Variants in HIPK3 observed in about 807,000 individuals in gnomAD.
HIPK3 encodes the protein homeodomain interacting protein kinase 3, also known as homeodomain-interacting protein kinase 3.
In HIPK3, 47 loss-of-function variants were observed where a neutral mutation model predicts 124.2. The observed-to-expected ratio is 0.38, with a 90% confidence interval of 0.30 to 0.48. The LOEUF (loss-of-function observed/expected upper bound fraction) is 0.48, where lower values mean the gene tolerates loss of function less well. Ranked by LOEUF, HIPK3 falls within the 20% of genes least tolerant of loss-of-function variation. HIPK3 has a pLI of 0.98. For synonymous variants in HIPK3, 482 were observed against 515.2 expected (o/e 0.94, Z 0.87); for missense variants, 1,286 against 1,454.3 (o/e 0.88, Z 1.88).
Position 33,286,534 on chromosome 11 carries a change from T to C in HIPK3, c.120T>C (p.Tyr40=). The change falls in exon 2 of 17, where the codon TAT becomes TAC. Residue 40 remains tyrosine, a synonymous_variant. Coordinates refer to ENST00000303296, the MANE Select transcript of HIPK3 (RefSeq NM_005734.5). ...PSSCVFQERN[Y]PRTYVNGRNF... ...GTTGTGTATTCCAGGAAAGAAACTA[T>C]CCACGGACCTATGTGAATGGTAGAA... is the stretch of plus-strand genomic sequence containing the variant. 2.5e-6 allele frequency: 4 copies of C among 1,614,032 alleles called. No homozygotes were observed. The highest frequency in any genetic ancestry group is 3.4e-6 in the Non-Finnish European group (4 of 1,180,002).
At chr11:33,266,725 CAAA>C (rs909884126) in intron 1 of HIPK3, among the ~76,000 whole-genome samples, 3 of 151,730 alleles carry the variant, frequency 2.0e-5, no homozygotes, top group Non-Finnish European at 4.4e-5. Context: ...AACAAACAAA[CAAA>C]AAACCAAAAA....
chr11:33,349,321 A>T (rs1279501342), intron 14 of HIPK3, 34 bp downstream of exon 14: 1 of 1,553,464 alleles, frequency 6.4e-7, no homozygotes, highest in Admixed American at 1.9e-5. Context: ...TGTAATAAAT[A>T]GTAAGTCTAC....
At position 33,356,138 on chromosome 11, in the gene HIPK3, G is replaced by A. The variant is rs1853811137; in HGVS notation, c.*2570G>A. On this transcript the variant is annotated 3_prime_UTR_variant, in exon 17 of 17. Transcript: ENST00000303296. ...GCCATGTTTACTACCCTGAAATGTT[G>A]TATTTTTTGTCTTTAATTTCCAAGA... 2 of 151,972 alleles carry A rather than the reference G, an allele frequency of 1.3e-5. 1 individual carries two copies. The highest frequency in any genetic ancestry group is 2.9e-5 in the Non-Finnish European group (2 of 67,836). 9.4% of individuals were successfully genotyped at this position (151,972 alleles called of 1,614,324 possible). A position where few individuals can be genotyped will look rare whatever the true frequency, so the allele number is the denominator to read the frequency against.
intron 1 of HIPK3, among the ~76,000 whole-genome samples, chr11:33,273,556 C>T (rs1313444876): frequency 1.5e-5 from 2 of 129,060 alleles, no homozygotes; most frequent in Non-Finnish European, 3.3e-5. Flanking sequence ...TTGGACAATA[C>T]TTTGCAAAAT....
intron 3 of HIPK3, among the ~76,000 whole-genome samples, chr11:33,335,325 A>G (rs1195809337): frequency 1.3e-5 from 2 of 152,210 alleles, no homozygotes; most frequent in Non-Finnish European, 2.9e-5. Flanking sequence ...AAGCAGTGTC[A>G]TATAAAGAAC....
chr11:33,347,210 C>A, intron 8 of HIPK3, 83 bp from the exon 9 acceptor site: 2 of 1,313,226 alleles, frequency 1.5e-6, no homozygotes, highest in Non-Finnish European at 1.0e-6. Flanking sequence ...AGAATCTAAG[C>A]AATTCTTGAC....
intron 2 of HIPK3, among the ~76,000 whole-genome samples, chr11:33,294,986 AGT>A (rs1565069495): frequency 2.6e-5 from 4 of 152,070 alleles, no homozygotes; most frequent in Non-Finnish European, 5.9e-5. Context: ...CTCAAAATGG[AGT>A]CACTCATGTC....
At chr11:33,319,391 G>T (rs1258864315) in intron 2 of HIPK3, among the ~76,000 whole-genome samples, 1 of 151,966 alleles carries the variant, frequency 6.6e-6, no homozygotes, top group Non-Finnish European at 1.5e-5. Context: ...AGCTACTTGG[G>T]AGGCTGAGGC....
intron 1 of HIPK3, among the ~76,000 whole-genome samples, chr11:33,270,454 G>A (rs182486607): frequency 7.2e-5 from 11 of 152,034 alleles, no homozygotes; most frequent in Admixed American, 3.3e-4. Context: ...GATTACAGGC[G>A]CCTGCCACCA....
intron 2 of HIPK3, among the ~76,000 whole-genome samples, chr11:33,296,065 CT>C (rs1250663938): frequency 7.2e-4 from 109 of 152,234 alleles, no homozygotes; most frequent in Non-Finnish European, 2.1e-4. Context: ...ACAAGAAGAG[CT>C]TTTTTTCCCC....
intron 1 of HIPK3, among the ~76,000 whole-genome samples, chr11:33,269,751 C>A (rs1331440328): frequency 1.1e-5 from 1 of 86,978 alleles, no homozygotes; most frequent in East Asian, 2.9e-4. Context: ...TACTAAGCTC[C>A]CCTGTATTTT....
chr11:33,287,156 C>G lies in HIPK3; in HGVS notation c.742C>G (p.Leu248Val), dbSNP rs1326922324. The stretch of plus-strand genomic sequence containing the variant: ...AATAGAAGTGAGCATATTAGCAAGG[C>G]TCAGTACTGAAAATGCTGATGAATA... ...GQIEVSILAR[L>V]STENADEYNF... The change falls in exon 2 of 17, where the codon CTC (leucine) becomes GTC (valine). Residue 248 changes from leucine to valine, a missense_variant. Around this residue, in one of 3 missense-constraint regions of HIPK3, gnomAD observed 251 missense variants for 349.1 expected, o/e 0.72. Transcript: ENST00000303296. The G allele has an allele frequency of 6.2e-7, 1 of 1,614,010 alleles. No homozygotes were observed. The highest frequency in any genetic ancestry group is 8.5e-7 in the Non-Finnish European group (1 of 1,180,028).
At chr11:33,339,053 T>C (rs1005683279) in intron 5 of HIPK3, among the ~76,000 whole-genome samples, 1 of 152,250 alleles carries the variant, frequency 6.6e-6, no homozygotes, top group African/African-American at 2.4e-5. Context: ...ATTCGTTCTT[T>C]AGTAAAAAAG....
At chr11:33,269,777 A>G (rs1851072656) in intron 1 of HIPK3, among the ~76,000 whole-genome samples, 1 of 151,554 alleles carries the variant, frequency 6.6e-6, no homozygotes, top group East Asian at 1.9e-4. Context: ...TTTATAGTTT[A>G]TGTATTCCTT....
At chr11:33,257,252 GGCGCC>G, upstream of HIPK3, 5 of 983,852 alleles carry the variant, frequency 5.1e-6, no homozygotes, top group Non-Finnish European at 6.0e-6. Context: ...GCTTCACGGA[GGCGCC>G]GCGGCCGGAG....
chr11:33,352,476 C>T (rs1259851043), intron 16 of HIPK3, among the ~76,000 whole-genome samples: 1 of 152,088 alleles, frequency 6.6e-6, no homozygotes, highest in African/African-American at 2.4e-5. Flanking sequence ...AAGATTAAGT[C>T]CTTAGGTTCT....
intron 2 of HIPK3, among the ~76,000 whole-genome samples, chr11:33,327,598 G>T (rs1852849964): frequency 6.6e-6 from 1 of 152,128 alleles, no homozygotes; most frequent in Non-Finnish European, 1.5e-5. Context: ...TTGTATTGTG[G>T]TTATGTAGGA....
intron 2 of HIPK3, among the ~76,000 whole-genome samples, chr11:33,291,769 C>T (rs112508619): frequency 1.3e-5 from 2 of 151,794 alleles, no homozygotes; most frequent in African/African-American, 4.8e-5. Flanking sequence ...TTTTAGCCTG[C>T]GATTCTAAGT....
intron 1 of HIPK3, among the ~76,000 whole-genome samples, chr11:33,264,054 T>C (rs953195280): frequency 6.6e-6 from 1 of 152,226 alleles, no homozygotes; most frequent in African/African-American, 2.4e-5. Context: ...CTGATATCTA[T>C]GTCTGTCACA....
Sources: gnomAD v4.1 joint callset for allele counts (sites outside exome capture counted in the v4.1 genomes callset) on GRCh38, gnomAD v4.1.1 for gene constraint, gnomAD v4.1.1 regional missense constraint, MANE v1.5 for transcripts, NCBI Gene and HGNC (gene_info 2026-07-23, HGNC 2026-07-21) for gene names.